The following AKAP9 variants were observed in gnomAD, a reference collection of about 807,000 sequenced individuals.
The protein encoded by AKAP9 is A-kinase anchoring protein 9, also known as A-kinase anchor protein 9.
A neutral mutation model predicts 488.5 loss-of-function variants in AKAP9; 311 were observed. The observed-to-expected ratio is 0.64, with a 90% CI of 0.58 to 0.70. AKAP9 has a LOEUF of 0.70. Among genes scored for constraint, AKAP9 ranks in the 30% least tolerant of loss-of-function variants. The probability of loss-of-function intolerance (pLI) is 0.00; values close to 1 mark genes in which losing one functional copy is unlikely to be tolerated. For synonymous variants in AKAP9, 1,462 were observed against 1,483.5 expected (o/e 0.99, Z 0.33); for missense variants, 4,215 against 4,374.5 (o/e 0.96, Z 1.03).
intron 26 of AKAP9, among the ~76,000 whole-genome samples, chr7:92,068,533 T>A (rs981506408): frequency 6.6e-6 from 1 of 152,078 alleles, no homozygotes. Context: ...AGTTTTCTTT[T>A]ATTTGAAAAG....
At chr7:92,100,053 T>G (rs746611915) in intron 44 of AKAP9, 184 bp downstream of exon 44, 1 of 566,130 alleles carries the variant, frequency 1.8e-6, no homozygotes, top group Non-Finnish European at 3.1e-6. Context: ...TTACTGTTAT[T>G]TATTGGAAAC....
intron 14 of AKAP9, among the ~76,000 whole-genome samples, chr7:92,027,126 G>A (rs186974850): frequency 1.6e-3 from 226 of 143,006 alleles, no homozygotes; most frequent in African/African-American, 5.7e-3. Flanking sequence ...GAGCATCTCT[G>A]CCTGGCCGCC....
Position 92,006,160 on chromosome 7 carries a change from C to CT in AKAP9, c.3318+2935dup, listed in dbSNP as rs947453818. 4.6e-4 allele frequency among the ~76,000 whole-genome samples: 68 copies of CT among 147,852 alleles called. 1 individual carries two copies. Among genetic ancestry groups the CT allele is most frequent in the South Asian group, 6.4e-4 (3 of 4,684 alleles). On this transcript the variant is annotated intron_variant, in intron 8 of 49. Transcript: ENST00000356239. ...GAATTCTAATTTTCTTTTTCTTTTT[C>CT]TTTTTTTTTTGAGACAGGCTCTCAC...
At chr7:91,949,232 A>G (rs1337795511) in intron 1 of AKAP9, among the ~76,000 whole-genome samples, 2 of 152,174 alleles carry the variant, frequency 1.3e-5, no homozygotes, top group African/African-American at 4.8e-5. Context: ...AGGAATGGGT[A>G]GAAATACGTA....
intron 1 of AKAP9, among the ~76,000 whole-genome samples, chr7:91,948,672 C>T (rs1029276210): frequency 2.3e-4 from 34 of 144,906 alleles, no homozygotes; most frequent in African/African-American, 7.8e-4. Context: ...AGTGCAATGG[C>T]GCAACCTCAG....
At chr7:92,062,547 C>CT in intron 24 of AKAP9, 61 bp downstream of exon 24, 1 of 1,445,180 alleles carries the variant, frequency 6.9e-7, no homozygotes, top group South Asian at 1.2e-5. Flanking sequence ...TCTTCAAAGG[C>CT]TTAAGGTGGC....
chr7:92,084,600 A>G, intron 33 of AKAP9, 40 bp from the exon 34 acceptor site: 1 of 1,507,812 alleles, frequency 6.6e-7, no homozygotes, highest in Non-Finnish European at 9.2e-7. Flanking sequence ...TATTTTTATT[A>G]AAGCAAAAAA....
intron 31 of AKAP9, among the ~76,000 whole-genome samples, chr7:92,081,492 TA>T (rs1369904328): frequency 0.011 from 1,265 of 118,666 alleles, 17 homozygotes; most frequent in African/African-American, 0.035. Flanking sequence ...TATATATATA[TA>T]TATATTTTTT....
Position 92,066,424 on chromosome 7 carries a change from T to C in AKAP9, c.6211-3T>C, listed in dbSNP as rs1810776179. On this transcript the variant is annotated splice_polypyrimidine_tract_variant and splice_region_variant and intron_variant, in intron 25 of 49. Coordinates refer to ENST00000356239, the MANE Select transcript of AKAP9 (RefSeq NM_005751.5). The stretch of plus-strand genomic sequence containing the variant: ...TACTATCATTATTGTCATTAAACTT[T>C]AGGAGCAAGCCATTGACAGAGAACA... 1 of 1,612,960 alleles carries C rather than the reference T, an allele frequency of 6.2e-7. No homozygotes were observed. Among genetic ancestry groups the C allele is most frequent in the Admixed American group, 1.7e-5 (1 of 59,994 alleles).
chr7:92,074,530 A>G (rs1284408967), intron 28 of AKAP9, among the ~76,000 whole-genome samples: 1 of 152,248 alleles, frequency 6.6e-6, no homozygotes, highest in Non-Finnish European at 1.5e-5. Flanking sequence ...CCAAAGGATT[A>G]TAAATCATTC....
chr7:92,096,636 CA>C (rs1816630489), intron 40 of AKAP9, 52 bp from the exon 41 acceptor site: 3 of 1,606,884 alleles, frequency 1.9e-6, no homozygotes. Flanking sequence ...CACGCCCGGC[CA>C]AGTATTTTTA....
At chr7:92,071,797 G>T (rs1176126561) in intron 28 of AKAP9, among the ~76,000 whole-genome samples, 1 of 152,094 alleles carries the variant, frequency 6.6e-6, no homozygotes, top group Non-Finnish European at 1.5e-5. Context: ...ATATAAGAAT[G>T]ATTTAGATAT....
In AKAP9 at chr7:92,079,195, A is replaced by C; in HGVS notation, c.7062A>C (p.Glu2354Asp). 1.2e-6 allele frequency: 2 copies of C among 1,614,046 alleles called. No individual in the cohort carries two copies. The highest frequency in any genetic ancestry group is 1.7e-6 in the Non-Finnish European group (2 of 1,179,966). The change falls in exon 31 of 50, where the codon GAA (glutamate) becomes GAC (aspartate). Residue 2354 changes from glutamate to aspartate, a missense_variant. Physicochemically the swap from Glu to Asp is conservative, Grantham distance 45 (BLOSUM62 2). Coordinates refer to ENST00000356239, the MANE Select transcript of AKAP9 (RefSeq NM_005751.5). ...NREEEIEQLN[E>D]VIEKLQQELA... is the part of the protein sequence containing the mutation. ...AAGAAGAAATAGAGCAGCTCAATGA[A>C]GTGATTGAAAAACTTCAACAGGAAT...
chr7:92,088,992 C>A (rs1815067369), intron 37 of AKAP9, among the ~76,000 whole-genome samples: 2 of 152,094 alleles, frequency 1.3e-5, no homozygotes. Flanking sequence ...AACAAAATAG[C>A]CTGTAGTCTT....
chr7:92,051,917 A>C (rs1055579662), intron 21 of AKAP9, among the ~76,000 whole-genome samples: 1 of 152,236 alleles, frequency 6.6e-6, no homozygotes, highest in Admixed American at 6.5e-5. Flanking sequence ...TGAATAGCCT[A>C]TGCTTTTATT....
At position 92,002,141 on chromosome 7, in the gene AKAP9, G is replaced by A; in HGVS notation, c.2224G>A (p.Glu742Lys). The part of the protein sequence containing the change: ...RQEEKEKGTL[E>K]QEVQELQLKT... ...AGAAGAAAAAGAAAAGGGTACACTT[G>A]AACAAGAAGTTCAAGAATTACAACT... Residue 742 changes from glutamate (E) to lysine (K), a missense_variant, in exon 8 of 50, where the codon GAA (glutamate) becomes AAA (lysine). This residue lies in a region of AKAP9 where 2,361 missense variants were observed against 2,430.0 expected (regional missense o/e 0.97). Coordinates refer to ENST00000356239, the MANE Select transcript of AKAP9 (RefSeq NM_005751.5). 6.3e-7 allele frequency: 1 copy of A among 1,593,088 alleles called. No individual in the cohort carries two copies. The highest frequency in any genetic ancestry group is 1.2e-5 in the South Asian group (1 of 85,342).
At chr7:91,945,042 A>G (rs1791281124) in intron 1 of AKAP9, among the ~76,000 whole-genome samples, 1 of 152,166 alleles carries the variant, frequency 6.6e-6, no homozygotes, top group African/African-American at 2.4e-5. Context: ...TTGACAGAAT[A>G]CTATGTAAAA....
intron 30 of AKAP9, 26 bp from the exon 31 acceptor site, chr7:92,079,053 A>T: frequency 1.4e-6 from 2 of 1,481,230 alleles, no homozygotes; most frequent in Non-Finnish European, 1.8e-6. Context: ...TATATTATGT[A>T]TGTTACCTTT....
At chr7:92,094,410 G>A (rs1300795631) in intron 39 of AKAP9, among the ~76,000 whole-genome samples, 18 of 151,964 alleles carry the variant, frequency 1.2e-4, no homozygotes, top group Admixed American at 9.8e-4. Flanking sequence ...GCATTCACCT[G>A]TAATCCCAGC....
Sources: gnomAD v4.1 joint callset for allele counts (sites outside exome capture counted in the v4.1 genomes callset) on GRCh38, gnomAD v4.1.1 for gene constraint, gnomAD v4.1.1 regional missense constraint, MANE v1.5 for transcripts, NCBI Gene and HGNC (gene_info 2026-07-23, HGNC 2026-07-21) for gene names.